ADAMTSL3: variants seen among roughly 807,000 people sequenced by gnomAD.
The protein encoded by ADAMTSL3 is ADAMTS-like protein 3.
ADAMTSL3 carries 128 observed loss-of-function variants against 201.7 expected under a neutral mutation model. The ratio of observed to expected loss-of-function variants is 0.63; its 90% CI spans 0.55 to 0.73. The LOEUF (loss-of-function observed/expected upper bound fraction) is 0.73, where lower values mean the gene tolerates loss of function less well. Among genes scored for constraint, ADAMTSL3 ranks in the 30% least tolerant of loss-of-function variants. ADAMTSL3 has a pLI of 0.00. For missense variants in ADAMTSL3, 1,990 were observed against 2,119.6 expected (o/e 0.94, Z 1.20); for synonymous variants, 738 against 748.4 (o/e 0.99, Z 0.23).
At chr15:83,987,771 T>C (rs1567284572) in intron 21 of ADAMTSL3, among the ~76,000 whole-genome samples, 1 of 152,026 alleles carries the variant, frequency 6.6e-6, no homozygotes, top group East Asian at 1.9e-4. Context: ...TGACAGGAAA[T>C]AAAGAAGTGG....
intron 19 of ADAMTSL3, among the ~76,000 whole-genome samples, chr15:83,962,860 T>C (rs1326811160): frequency 6.6e-6 from 1 of 152,100 alleles, no homozygotes; most frequent in Non-Finnish European, 1.5e-5. Context: ...GTGCAGCCCA[T>C]GGAGGGCCAG....
At chr15:83,674,294 G>A (rs1352092822) in intron 2 of ADAMTSL3, among the ~76,000 whole-genome samples, 3 of 151,784 alleles carry the variant, frequency 2.0e-5, no homozygotes, top group Non-Finnish European at 4.4e-5. Flanking sequence ...CACATCTTAC[G>A]TTATATGGTG....
intron 2 of ADAMTSL3, among the ~76,000 whole-genome samples, chr15:83,692,897 G>A (rs2061632250): frequency 1.3e-5 from 2 of 152,036 alleles, no homozygotes; most frequent in South Asian, 4.1e-4. Flanking sequence ...CATTTTGAAA[G>A]CCTGCATGAT....
At chr15:83,939,081 C>G (rs111663685) in intron 17 of ADAMTSL3, among the ~76,000 whole-genome samples, 1 of 152,142 alleles carries the variant, frequency 6.6e-6, no homozygotes, top group Non-Finnish European at 1.5e-5. Flanking sequence ...GTCGTAGACA[C>G]TGATTGATTT....
intron 4 of ADAMTSL3, among the ~76,000 whole-genome samples, chr15:83,773,898 C>T (rs2063028772): frequency 6.6e-6 from 1 of 152,162 alleles, no homozygotes; most frequent in African/African-American, 2.4e-5. Flanking sequence ...AAAGGAAATC[C>T]TGGCACTTTA....
chr15:83,900,988 C>T (rs984477492), intron 15 of ADAMTSL3, among the ~76,000 whole-genome samples: 2 of 152,186 alleles, frequency 1.3e-5, no homozygotes, highest in Admixed American at 6.5e-5. Flanking sequence ...GTCAATCTCC[C>T]TTTTAACTGT....
At chr15:83,772,298 G>A (rs1000371144) in intron 3 of ADAMTSL3, among the ~76,000 whole-genome samples, 1 of 152,130 alleles carries the variant, frequency 6.6e-6, no homozygotes, top group Non-Finnish European at 1.5e-5. Flanking sequence ...TTACAGTATT[G>A]AGTCTACTCA....
At chr15:84,021,359 G>A (rs778976198) in intron 25 of ADAMTSL3, 51 bp from the exon 26 acceptor site, 17 of 1,603,252 alleles carry the variant, frequency 1.1e-5, no homozygotes, top group East Asian at 2.2e-5. Context: ...TCTCCAGCTC[G>A]TCGTCATTTC....
intron 2 of ADAMTSL3, among the ~76,000 whole-genome samples, chr15:83,658,015 C>T (rs910251867): frequency 1.3e-5 from 2 of 152,182 alleles, no homozygotes; most frequent in Non-Finnish European, 2.9e-5. Context: ...GTATGTGCTG[C>T]CACCAAGGTG....
intron 3 of ADAMTSL3, among the ~76,000 whole-genome samples, chr15:83,759,656 A>G (rs905478777): frequency 1.3e-5 from 2 of 152,190 alleles, no homozygotes; most frequent in African/African-American, 4.8e-5. Context: ...CCAAAAAGGA[A>G]GTGAGAGAAG....
chr15:83,835,416 T>C (rs2064248501), intron 6 of ADAMTSL3, among the ~76,000 whole-genome samples: 1 of 152,272 alleles, frequency 6.6e-6, no homozygotes, highest in South Asian at 2.1e-4. Context: ...CTATAACATT[T>C]GGATGAATTG....
At chr15:83,889,445 A>G (rs2065461250) in intron 10 of ADAMTSL3, among the ~76,000 whole-genome samples, 2 of 152,218 alleles carry the variant, frequency 1.3e-5, no homozygotes, top group African/African-American at 2.4e-5. Flanking sequence ...CAAAAACATG[A>G]TGTTGAGTGA....
At chr15:83,992,624 C>T (rs1371741861) in intron 23 of ADAMTSL3, among the ~76,000 whole-genome samples, 1 of 152,190 alleles carries the variant, frequency 6.6e-6, no homozygotes, top group African/African-American at 2.4e-5. Flanking sequence ...AACATGACTT[C>T]TAAATTTTTC....
At chr15:84,025,550 T>C in intron 27 of ADAMTSL3, 114 bp downstream of exon 27, 1 of 977,530 alleles carries the variant, frequency 1.0e-6, no homozygotes. Context: ...GGAATCTGAC[T>C]GGTCTCTGAA....
intron 2 of ADAMTSL3, among the ~76,000 whole-genome samples, chr15:83,674,748 TATATACACACATATATAC>T (rs1567064118): frequency 9.7e-4 from 124 of 127,386 alleles, no homozygotes; most frequent in East Asian, 4.0e-3. Context: ...CATATATACA[TATATACACACATATATAC>T]ATATATATAT....
At chr15:84,016,943 C>T (rs2068097140) in intron 25 of ADAMTSL3, among the ~76,000 whole-genome samples, 1 of 152,060 alleles carries the variant, frequency 6.6e-6, no homozygotes, top group Non-Finnish European at 1.5e-5. Context: ...GTATTACAAG[C>T]TTATAAAACT....
At chr15:83,735,380 A>G (rs1007504573) in intron 3 of ADAMTSL3, among the ~76,000 whole-genome samples, 1 of 152,192 alleles carries the variant, frequency 6.6e-6, no homozygotes, top group African/African-American at 2.4e-5. Context: ...GAGTAACACA[A>G]CTGTTCCTTA....
chr15:83,853,546 G>T (rs2064663833), intron 7 of ADAMTSL3, among the ~76,000 whole-genome samples: 1 of 152,086 alleles, frequency 6.6e-6, no homozygotes, highest in East Asian at 1.9e-4. Flanking sequence ...ACTAAATGCT[G>T]GAAACTTATT....
chr15:83,989,593 G>C (rs777703920), intron 22 of ADAMTSL3, among the ~76,000 whole-genome samples: 7 of 152,348 alleles, frequency 4.6e-5, no homozygotes, highest in Non-Finnish European at 7.3e-5. Flanking sequence ...TAACTATAAA[G>C]TAGTGTGAGT....
Sources: gnomAD v4.1 joint callset for allele counts (sites outside exome capture counted in the v4.1 genomes callset) on GRCh38, gnomAD v4.1.1 for gene constraint, MANE v1.5 for transcripts, NCBI Gene and HGNC (gene_info 2026-07-23, HGNC 2026-07-21) for gene names.